Variants in NRF1 observed in about 807,000 individuals in gnomAD.
NRF1 encodes nuclear respiratory factor 1.
Under a neutral mutation model 58.5 loss-of-function variants are expected in NRF1, and 5 were observed. The ratio of observed to expected loss-of-function variants is 0.09; its 90% CI spans 0.04 to 0.18. The LOEUF (loss-of-function observed/expected upper bound fraction) is 0.18. Among genes scored for constraint, NRF1 ranks in the 10% least tolerant of loss-of-function variants. NRF1 has a pLI of 1.00. For missense variants in NRF1, 288 were observed against 657.7 expected (o/e 0.44, Z 6.15); for synonymous variants, 224 against 246.7 (o/e 0.91, Z 0.86).
chr7:129,733,677 A>ACTTT (rs1270785528), intron 10 of NRF1, among the ~76,000 whole-genome samples: 1 of 152,024 alleles, frequency 6.6e-6, no homozygotes, highest in African/African-American at 2.4e-5. Flanking sequence ...TTGAAATTTC[A>ACTTT]CTTTCTCCTT....
chr7:129,723,311 C>T (rs936554385), intron 9 of NRF1, among the ~76,000 whole-genome samples: 15 of 151,762 alleles, frequency 9.9e-5, no homozygotes, highest in South Asian at 8.4e-4. Flanking sequence ...GGCATGGTGG[C>T]GGGTGCCTGT....
intron 5 of NRF1, among the ~76,000 whole-genome samples, chr7:129,691,051 A>G (rs915953423): frequency 4.6e-5 from 7 of 151,870 alleles, no homozygotes; most frequent in African/African-American, 1.7e-4. Context: ...TAAAATTTTT[A>G]TTTAAATTTT....
chr7:129,694,744 A>G (rs1232509082), intron 5 of NRF1, among the ~76,000 whole-genome samples: 1 of 152,156 alleles, frequency 6.6e-6, no homozygotes, highest in Non-Finnish European at 1.5e-5. Flanking sequence ...TTTCCACCCA[A>G]ACCTAGATAG....
At chr7:129,674,751 G>A (rs750475961) in intron 3 of NRF1, among the ~76,000 whole-genome samples, 5 of 152,084 alleles carry the variant, frequency 3.3e-5, no homozygotes, top group Admixed American at 6.6e-5. Context: ...ACACTTAATT[G>A]CTAAAAGATG....
At chr7:129,670,110 A>G (rs562454875) in intron 2 of NRF1, among the ~76,000 whole-genome samples, 1 of 152,346 alleles carries the variant, frequency 6.6e-6, no homozygotes, top group East Asian at 1.9e-4. Context: ...CAAATACTGC[A>G]TGATTCTACT....
chr7:129,754,904 A>T (rs1804216130), intron 10 of NRF1, 114 bp from the exon 11 acceptor site: 1 of 1,005,456 alleles, frequency 9.9e-7, no homozygotes, highest in Non-Finnish European at 1.4e-6. Context: ...GTATGTGATC[A>T]CCTGAGGCTG....
intron 1 of NRF1, among the ~76,000 whole-genome samples, chr7:129,618,877 G>T (rs928771935): frequency 1.3e-5 from 2 of 152,030 alleles, no homozygotes; most frequent in Admixed American, 6.6e-5. Flanking sequence ...TTACAACCTG[G>T]ATGCAGTTTT....
intron 3 of NRF1, among the ~76,000 whole-genome samples, chr7:129,675,736 G>A (rs1802162092): frequency 6.6e-6 from 1 of 152,178 alleles, no homozygotes; most frequent in Non-Finnish European, 1.5e-5. Context: ...GTAAACAGAT[G>A]TACTGCCATC....
intron 1 of NRF1, among the ~76,000 whole-genome samples, chr7:129,636,294 G>T (rs1801167383): frequency 1.3e-5 from 2 of 152,050 alleles, no homozygotes; most frequent in Non-Finnish European, 2.9e-5. Context: ...GAGTACAGTG[G>T]TGTGATCTCG....
intron 5 of NRF1, among the ~76,000 whole-genome samples, chr7:129,707,761 G>A (rs1401724629): frequency 6.6e-6 from 1 of 152,128 alleles, no homozygotes; most frequent in South Asian, 2.1e-4. Flanking sequence ...GGGGGACTTA[G>A]AGAGGTGAAG....
At chr7:129,704,026 G>A (rs1349853126) in intron 5 of NRF1, among the ~76,000 whole-genome samples, 4 of 151,680 alleles carry the variant, frequency 2.6e-5, no homozygotes, top group East Asian at 1.9e-4. Context: ...ATTTCCATTA[G>A]TAATCTGCTT....
At chr7:129,745,500 C>T (rs1803953248) in intron 10 of NRF1, among the ~76,000 whole-genome samples, 1 of 98,246 alleles carries the variant, frequency 1.0e-5, no homozygotes, top group East Asian at 3.2e-4. Flanking sequence ...CAAACCATCC[C>T]CCTCAACCCC....
chr7:129,649,794 C>G (rs1440014769), intron 1 of NRF1, among the ~76,000 whole-genome samples: 1 of 152,104 alleles, frequency 6.6e-6, no homozygotes, highest in East Asian at 1.9e-4. Context: ...CACTCTGTCA[C>G]TCACACAGGA....
At chr7:129,704,255 A>G (rs1202704184) in intron 5 of NRF1, among the ~76,000 whole-genome samples, 1 of 151,774 alleles carries the variant, frequency 6.6e-6, no homozygotes, top group Non-Finnish European at 1.5e-5. Context: ...AGCACCCTTT[A>G]TTTCTCATCC....
chr7:129,639,683 G>A (rs540098006), intron 1 of NRF1, among the ~76,000 whole-genome samples: 1 of 151,938 alleles, frequency 6.6e-6, no homozygotes, highest in East Asian at 1.9e-4. Context: ...GAGTAGCTGG[G>A]ATTATAGGTG....
intron 1 of NRF1, among the ~76,000 whole-genome samples, chr7:129,638,714 T>C (rs1317044037): frequency 1.3e-5 from 2 of 152,184 alleles, no homozygotes; most frequent in African/African-American, 4.8e-5. Flanking sequence ...ACAGGAAATA[T>C]AGTGTAAATG....
Position 129,671,490 on chromosome 7 carries a change from T to C in NRF1, c.285T>C (p.His95=). The C allele has an allele frequency of 6.2e-7, 1 of 1,614,092 alleles. No individual in the cohort carries two copies. The highest frequency in any genetic ancestry group is 8.5e-7 in the Non-Finnish European group (1 of 1,179,932). The part of the protein sequence containing the change: ...VATGKKRKRP[H]VFESNPSIRK... ...CAGGAAAGAAACGGAAACGGCCTCA[T>C]GTATTTGAGTCTAATCCATCTATCC... The change falls in exon 3 of 11, where the codon CAT becomes CAC. Residue 95 remains histidine (H), a synonymous_variant. Transcript: ENST00000393232.
In NRF1 at chr7:129,650,186, TA is replaced by T. The variant is rs1801503874; in HGVS notation, c.-6-7157del. Among the ~76,000 whole-genome samples the T allele has an allele frequency of 4.0e-5, 6 of 151,198 alleles. No homozygotes were observed. The South Asian group carries it at 1.2e-3, about 31-fold the overall frequency. ...TTTTCTTTTTCCTTTTTTTTTTTTT[TA>T]AATGAAGTATTGACTAATCTGCTGA... On this transcript the variant is annotated intron_variant, in intron 1 of 10. Transcript: ENST00000393232.
intron 1 of NRF1, among the ~76,000 whole-genome samples, chr7:129,614,802 C>T (rs558339037): frequency 1.3e-5 from 2 of 152,232 alleles, no homozygotes; most frequent in South Asian, 4.1e-4. Flanking sequence ...TTTTATTAAA[C>T]GATAATTATG....
Sources: gnomAD v4.1 joint callset for allele counts (sites outside exome capture counted in the v4.1 genomes callset) on GRCh38, gnomAD v4.1.1 for gene constraint, MANE v1.5 for transcripts, NCBI Gene and HGNC (gene_info 2026-07-23, HGNC 2026-07-21) for gene names.